RANBP2: variants seen among roughly 807,000 people sequenced by gnomAD.
RANBP2 encodes RAN binding protein 2.
A neutral mutation model predicts 303.6 loss-of-function variants in RANBP2; 57 were observed. That is an observed-to-expected ratio of 0.19 (90% CI 0.15 to 0.23). RANBP2 has a LOEUF of 0.23. Among genes scored for constraint, RANBP2 ranks in the 10% least tolerant of loss-of-function variants. RANBP2 has a pLI of 1.00. For synonymous variants in RANBP2, 1,167 were observed against 1,301.5 expected (o/e 0.90, Z 2.23); for missense variants, 3,138 against 3,780.8 (o/e 0.83, Z 4.46).
the RANBP2 span, among the ~76,000 whole-genome samples, chr2:109,329,459 C>T: frequency 6.6e-6 from 1 of 152,174 alleles, no homozygotes; most frequent in Non-Finnish European, 1.5e-5. Context: ...TCAAATGGTT[C>T]CAGAGGCCAT....
At chr2:108,738,628 CTTT>C (rs373620543) in intron 6 of RANBP2, among the ~76,000 whole-genome samples, 8 of 136,558 alleles carry the variant, frequency 5.9e-5, no homozygotes, top group Admixed American at 7.5e-5. Context: ...ATAATAATAG[CTTT>C]TTTTTTTTTT....
the RANBP2 span, among the ~76,000 whole-genome samples, chr2:109,294,861 G>A: frequency 1.3e-5 from 2 of 152,224 alleles, no homozygotes; most frequent in African/African-American, 2.4e-5. Context: ...GGTGCACAGA[G>A]GAGGTGCTGC....
At chr2:109,088,430 G>A in the RANBP2 span, among the ~76,000 whole-genome samples, 136 of 149,624 alleles carry the variant, frequency 9.1e-4, no homozygotes, top group African/African-American at 3.2e-3. Flanking sequence ...CAGCGAAAGA[G>A]ACAAAAACAT....
At chr2:109,520,619 A>G in the RANBP2 span, among the ~76,000 whole-genome samples, 4 of 92,730 alleles carry the variant, frequency 4.3e-5, no homozygotes, top group East Asian at 2.7e-4. Context: ...AAAAAAAAAA[A>G]AAAAAGAAAA....
At chr2:109,372,663 G>A in the RANBP2 span, among the ~76,000 whole-genome samples, 2 of 152,214 alleles carry the variant, frequency 1.3e-5, no homozygotes, top group African/African-American at 2.4e-5. Flanking sequence ...AGGTTTCAGC[G>A]CGGGCCTCTT....
At chr2:109,096,994 C>A in the RANBP2 span, among the ~76,000 whole-genome samples, 2 of 152,060 alleles carry the variant, frequency 1.3e-5, no homozygotes, top group African/African-American at 4.8e-5. Flanking sequence ...TGGCTTCCCC[C>A]CACCCACCAA....
At chr2:109,228,669 A>G in the RANBP2 span, among the ~76,000 whole-genome samples, 1 of 152,042 alleles carries the variant, frequency 6.6e-6, no homozygotes, top group African/African-American at 2.4e-5. Flanking sequence ...GGTTTATTAT[A>G]TTAGTGGAGG....
At position 108,754,004 on chromosome 2, in the gene RANBP2, C is replaced by G. The variant is rs200976545; in HGVS notation, c.2202+33C>G. 1.8e-5 allele frequency: 29 copies of G among 1,611,524 alleles called. No individual in the cohort carries two copies. The African/African-American group carries it at 3.1e-4, about 17-fold the overall frequency. On this transcript the variant is annotated intron_variant, in intron 15 of 28. Transcript: ENST00000283195. ...GCAGGTTGTTGTATGTACGTTCTTACTGATAACCCACTGGTCAATGTTTTT... is the reference window on the plus strand; with the variant it reads ...GCAGGTTGTTGTATGTACGTTCTTAGTGATAACCCACTGGTCAATGTTTTT...
chr2:109,461,177 A>T, the RANBP2 span, among the ~76,000 whole-genome samples: 1 of 152,196 alleles, frequency 6.6e-6, no homozygotes, highest in African/African-American at 2.4e-5. Context: ...TTGGTCATGG[A>T]ATGCTGCTGT....
the RANBP2 span, among the ~76,000 whole-genome samples, chr2:109,057,990 G>T: frequency 3.9e-5 from 6 of 152,286 alleles, no homozygotes; most frequent in African/African-American, 1.4e-4. Flanking sequence ...TTGTGGCTGC[G>T]GAGGGGCAGG....
chr2:108,994,798 ATATATATAT>A, the RANBP2 span, among the ~76,000 whole-genome samples: 1 of 111,018 alleles, frequency 9.0e-6, no homozygotes, highest in Non-Finnish European at 1.7e-5. Context: ...ATTGGGTTAT[ATATATATAT>A]ATATATATAT....
chr2:108,959,835 A>C, the RANBP2 span, among the ~76,000 whole-genome samples: 1 of 152,234 alleles, frequency 6.6e-6, no homozygotes, highest in Non-Finnish European at 1.5e-5. Context: ...GTCTCTCAAG[A>C]AACTCAAGCC....
chr2:109,522,921 A>G, the RANBP2 span, among the ~76,000 whole-genome samples: 1 of 152,236 alleles, frequency 6.6e-6, no homozygotes, highest in Non-Finnish European at 1.5e-5. Flanking sequence ...GTTTAGACAC[A>G]GCTGTGCAGA....
At chr2:109,054,758 A>C in the RANBP2 span, among the ~76,000 whole-genome samples, 1 of 150,818 alleles carries the variant, frequency 6.6e-6, no homozygotes, top group Non-Finnish European at 1.5e-5. Context: ...CACCTGTGTC[A>C]CCTCCACGCC....
intron 1 of RANBP2, among the ~76,000 whole-genome samples, chr2:108,721,603 T>G (rs1694254289): frequency 6.6e-6 from 1 of 151,922 alleles, no homozygotes; most frequent in African/African-American, 2.4e-5. Flanking sequence ...CCACACCCGC[T>G]GTTTTGTTTT....
At chr2:109,613,573 C>T in the RANBP2 span, 3 of 260,390 alleles carry the variant, frequency 1.2e-5, no homozygotes, top group Non-Finnish European at 2.1e-5. Flanking sequence ...ACGCTGGCGC[C>T]GCGCCCCGCG....
At chr2:109,655,606 C>T in the RANBP2 span, among the ~76,000 whole-genome samples, 1 of 150,988 alleles carries the variant, frequency 6.6e-6, no homozygotes. Context: ...CCTGTTCCTT[C>T]ACTTGGGTCC....
the RANBP2 span, among the ~76,000 whole-genome samples, chr2:109,311,381 A>G: frequency 2.3e-5 from 3 of 133,258 alleles, no homozygotes; most frequent in African/African-American, 8.7e-5. Context: ...CCCACAGCCA[A>G]TATCATACTG....
chr2:109,306,470 G>A, the RANBP2 span, among the ~76,000 whole-genome samples: 1 of 152,214 alleles, frequency 6.6e-6, no homozygotes, highest in East Asian at 1.9e-4. Flanking sequence ...CAGAAGGTAT[G>A]GGAGCAGAGC....
Sources: gnomAD v4.1 joint callset for allele counts (sites outside exome capture counted in the v4.1 genomes callset) on GRCh38, gnomAD v4.1.1 for gene constraint, MANE v1.5 for transcripts, NCBI Gene and HGNC (gene_info 2026-07-23, HGNC 2026-07-21) for gene names.